CYP4B1: variants seen among roughly 807,000 people sequenced by gnomAD.
The protein encoded by CYP4B1 is cytochrome P450 family 4 subfamily B member 1.
A neutral mutation model predicts 54.0 loss-of-function variants in CYP4B1; 45 were observed. The observed-to-expected ratio is 0.83, with a 90% CI of 0.66 to 1.07. The LOEUF (loss-of-function observed/expected upper bound fraction) is 1.07. Among genes scored for constraint, CYP4B1 ranks in the 50% least tolerant of loss-of-function variants. The pLI, the probability that CYP4B1 is intolerant of heterozygous loss-of-function variation, is 0.00. For synonymous variants in CYP4B1, 248 were observed against 247.5 expected, an observed-to-expected ratio of 1.00 and a Z score of -0.02; for missense variants, 656 against 655.4, an observed-to-expected ratio of 1.00 and a Z score of -0.01.
intron 5 of CYP4B1, 57 bp downstream of exon 5, chr1:46,813,663 A>G: frequency 1.9e-6 from 3 of 1,606,194 alleles, no homozygotes; most frequent in Non-Finnish European, 2.5e-6. Context: ...TAGAGGGGAG[A>G]GTTGGCAGGG....
intron 9 of CYP4B1, 97 bp downstream of exon 9, chr1:46,817,278 G>GCT: frequency 6.7e-7 from 1 of 1,491,902 alleles, no homozygotes; most frequent in South Asian, 1.3e-5. Flanking sequence ...TTGGGGAAGA[G>GCT]CTCAGGCTTT....
intron 8 of CYP4B1, among the ~76,000 whole-genome samples, chr1:46,815,863 T>C (rs3820080): frequency 0.2 from 30,872 of 152,156 alleles, 3,996 homozygotes; most frequent in African/African-American, 0.37. Flanking sequence ...AGAGGCTCCT[T>C]CACCCTTGCT....
chr1:46,813,558 C>T lies in CYP4B1; in HGVS notation c.572C>T (p.Thr191Ile), dbSNP rs763816455. 5.6e-6 allele frequency: 9 copies of T among 1,614,086 alleles called. 1 individual carries two copies. Among genetic ancestry groups the T allele is most frequent in the Non-Finnish European group, 6.8e-6 (8 of 1,180,052 alleles). ...FCDVGHMALNTLMKCTFGRGD... is the reference protein window; with the variant it reads ...FCDVGHMALNILMKCTFGRGD... The stretch of plus-strand genomic sequence containing the variant: ...GATGTGGGTCACATGGCGCTGAACA[C>T]ACTCATGAAGTGCACCTTTGGAAGA... The change falls in exon 5 of 12, where the codon ACA (threonine) becomes ATA (isoleucine). Residue 191 changes from threonine to isoleucine, a missense_variant. Thr to Ile is a moderately conservative substitution (Grantham distance 89). Coordinates refer to ENST00000371923, the MANE Select transcript of CYP4B1 (RefSeq NM_001099772.2).
chr1:46,813,648 C>T (rs374873841), intron 5 of CYP4B1, 42 bp downstream of exon 5: 18 of 1,610,832 alleles, frequency 1.1e-5, no homozygotes, highest in Non-Finnish European at 1.5e-5. Flanking sequence ...TCTCCAAAGC[C>T]ATCTTAGAGG....
At chr1:46,804,786 G>GT (rs1418615590) in intron 1 of CYP4B1, among the ~76,000 whole-genome samples, 15 of 152,142 alleles carry the variant, frequency 9.9e-5, no homozygotes, top group Admixed American at 6.6e-5. Context: ...TGAAATAAAA[G>GT]TTTTTGAGAA....
At chr1:46,800,231 TTC>T (rs1356776963) in intron 1 of CYP4B1, among the ~76,000 whole-genome samples, 1,310 of 56,744 alleles carry the variant, frequency 0.023, 188 homozygotes, top group African/African-American at 0.045. Flanking sequence ...CTCTCTTTCT[TTC>T]TTTCTTTCCT....
chr1:46,818,686 T>C lies in CYP4B1; in HGVS notation c.1411T>C (p.Cys471Arg). Reference sequence around the variant, plus strand: ...TGAGATGAAGGTGGTCACAGCCATGTGCTTGCTCCGCTTTGAGTTCTCTCT... The same window carrying C: ...TGAGATGAAGGTGGTCACAGCCATGCGCTTGCTCCGCTTTGAGTTCTCTCT... ...MSEMKVVTAMCLLRFEFSLDP... is the reference protein window; with the variant it reads ...MSEMKVVTAMRLLRFEFSLDP... Residue 471 changes from cysteine to arginine, a missense_variant, in exon 12 of 12, where the codon TGC becomes CGC. By Grantham distance (180) the Cys-to-Arg change is radical. Transcript: ENST00000371923. 1 of 1,614,218 alleles carries C rather than the reference T, an allele frequency of 6.2e-7. No individual in the cohort carries two copies. Among genetic ancestry groups the C allele is most frequent in the Non-Finnish European group, 8.5e-7 (1 of 1,180,024 alleles).
chr1:46,813,757 G>T, intron 5 of CYP4B1, 151 bp downstream of exon 5: 1 of 1,417,082 alleles, frequency 7.1e-7, no homozygotes, highest in Admixed American at 1.9e-5. Context: ...CTCATGGTGG[G>T]GTAAACACCT....
In CYP4B1 at chr1:46,815,110, C is replaced by A. The variant is rs754700084; in HGVS notation, c.919C>A (p.Arg307=). 1 of 1,614,176 alleles carries A rather than the reference C, an allele frequency of 6.2e-7. No homozygotes were observed. Among genetic ancestry groups the A allele is most frequent in the South Asian group, 1.1e-5 (1 of 91,082 alleles). Residue 307 remains arginine (R), a synonymous_variant, in exon 8 of 12, where the codon CGG becomes AGG. Transcript: ENST00000371923. ...CATCAAACTGTCAGATGCAGACCTC[C>A]GGGCTGAAGTGGACACATTCATGTT... The part of the protein sequence containing the change: ...DDIKLSDADL[R]AEVDTFMFEG...
intron 1 of CYP4B1, among the ~76,000 whole-genome samples, chr1:46,803,900 C>A (rs1373631106): frequency 6.6e-6 from 1 of 152,072 alleles, no homozygotes; most frequent in Non-Finnish European, 1.5e-5. Context: ...GTAGGAGAGG[C>A]AGATTTTGGG....
intron 3 of CYP4B1, among the ~76,000 whole-genome samples, chr1:46,811,892 C>T (rs183278603): frequency 2.6e-5 from 4 of 152,246 alleles, no homozygotes; most frequent in East Asian, 1.9e-4. Context: ...ATTTACTCAC[C>T]GAGTACCACT....
intron 1 of CYP4B1, among the ~76,000 whole-genome samples, chr1:46,802,321 C>T (rs965264603): frequency 6.6e-6 from 1 of 152,156 alleles, no homozygotes; most frequent in Non-Finnish European, 1.5e-5. Flanking sequence ...GTAGTGAAGA[C>T]AGGGCTGTGG....
At chr1:46,813,650 T>C (rs1311524666) in intron 5 of CYP4B1, 44 bp downstream of exon 5, 4 of 1,610,100 alleles carry the variant, frequency 2.5e-6, no homozygotes, top group Non-Finnish European at 3.4e-6. Context: ...TCCAAAGCCA[T>C]CTTAGAGGGG....
chr1:46,812,730 A>G, intron 4 of CYP4B1, 107 bp downstream of exon 4: 1 of 1,317,680 alleles, frequency 7.6e-7, no homozygotes, highest in South Asian at 1.4e-5. Flanking sequence ...AGTAAGGAGA[A>G]TAGCTGAGCC....
At chr1:46,816,353 A>G (rs1679332476) in intron 8 of CYP4B1, among the ~76,000 whole-genome samples, 1 of 152,198 alleles carries the variant, frequency 6.6e-6, no homozygotes, top group Non-Finnish European at 1.5e-5. Flanking sequence ...AGGCTGGGTA[A>G]CAATGTGAAC....
At chr1:46,804,099 G>C (rs371121814) in intron 1 of CYP4B1, among the ~76,000 whole-genome samples, 19 of 152,302 alleles carry the variant, frequency 1.2e-4, no homozygotes, top group Non-Finnish European at 2.4e-4. Flanking sequence ...CACAGAAGCA[G>C]GTGAGAGCTT....
intron 1 of CYP4B1, among the ~76,000 whole-genome samples, chr1:46,799,465 C>T (rs1288007787): frequency 1.3e-5 from 2 of 152,172 alleles, no homozygotes; most frequent in Non-Finnish European, 2.9e-5. Flanking sequence ...GAAGTGGGGG[C>T]AACTTCCAAG....
At chr1:46,812,428 G>T in intron 3 of CYP4B1, 68 bp from the exon 4 acceptor site, 1 of 1,532,994 alleles carries the variant, frequency 6.5e-7, no homozygotes, top group Non-Finnish European at 8.9e-7. Context: ...GAGTCGTGTA[G>T]GATGTGCTTA....
chr1:46,817,258 C>A (rs529574024), intron 9 of CYP4B1, 77 bp downstream of exon 9: 1,104 of 1,575,414 alleles, frequency 7.0e-4, no homozygotes, highest in Non-Finnish European at 7.9e-4. Flanking sequence ...TTAGTCAAAT[C>A]TTTGCACTTT....
Sources: gnomAD v4.1 joint callset for allele counts (sites outside exome capture counted in the v4.1 genomes callset) on GRCh38, gnomAD v4.1.1 for gene constraint, MANE v1.5 for transcripts, NCBI Gene and HGNC (gene_info 2026-07-23, HGNC 2026-07-21) for gene names.